NAPG: variants seen among roughly 807,000 people sequenced by gnomAD.
NAPG encodes the protein NSF attachment protein gamma.
A neutral mutation model predicts 48.4 loss-of-function variants in NAPG; 25 were observed. That is an observed-to-expected ratio of 0.52 (90% CI 0.38 to 0.72). The LOEUF (loss-of-function observed/expected upper bound fraction) is 0.72. Among genes scored for constraint, NAPG ranks in the 30% least tolerant of loss-of-function variants. The probability of loss-of-function intolerance (pLI) is 0.00; values close to 1 mark genes in which losing one functional copy is unlikely to be tolerated. For missense variants in NAPG, 359 were observed against 372.5 expected (o/e 0.96, Z 0.30); for synonymous variants, 139 against 127.2 (o/e 1.09, Z -0.62).
intron 1 of NAPG, chr18:10,526,735 T>C (rs1265838956): frequency 6.5e-6 from 1 of 153,090 alleles, no homozygotes; most frequent in Non-Finnish European, 1.5e-5. Context: ...CGTTCGTCCT[T>C]TGATGTGTAT....
chr18:10,552,286 T>TC lies in NAPG; in HGVS notation c.*2067dup, dbSNP rs1321512672. 1 of 152,256 alleles carries TC rather than the reference T, an allele frequency of 6.6e-6. No homozygotes were observed. The highest frequency in any genetic ancestry group is 2.4e-5 in the African/African-American group (1 of 41,464). 9.4% of individuals were successfully genotyped at this position (152,256 alleles called of 1,614,324 possible). The stretch of plus-strand genomic sequence containing the variant: ...AGGCTGTGTCCAGGTGCAGCCTCCT[T>TC]CACCCTTCCTGCCCACGGTGAGGAT... On this transcript the variant is annotated 3_prime_UTR_variant, in exon 12 of 12. Transcript: ENST00000322897.
At chr18:10,535,160 A>G (rs1020214819) in intron 5 of NAPG, among the ~76,000 whole-genome samples, 1 of 152,218 alleles carries the variant, frequency 6.6e-6, no homozygotes, top group Non-Finnish European at 1.5e-5. Flanking sequence ...GCTACTTTCA[A>G]GTATTTATTA....
Position 10,548,775 on chromosome 18 carries a change from G to A in NAPG, c.666-192G>A, listed in dbSNP as rs915187232. Among the ~76,000 whole-genome samples the A allele has an allele frequency of 6.6e-6, 1 of 151,752 alleles. No individual in the cohort carries two copies. Among genetic ancestry groups the A allele is most frequent in the Non-Finnish European group, 1.5e-5 (1 of 67,930 alleles). ...TGGGCTGGATAATTCTTTGTGGTCG[G>A]GCCTGTCCTGTGCACTGTAGGCTGG... On this transcript the variant is annotated intron_variant, in intron 10 of 11. Coordinates refer to ENST00000322897, the MANE Select transcript of NAPG (RefSeq NM_003826.3). The surrounding 1 kb of genome is among the most constrained non-coding windows in gnomAD (Gnocchi z 4.4).
intron 3 of NAPG, 92 bp downstream of exon 3, chr18:10,532,887 A>T: frequency 9.5e-7 from 1 of 1,053,446 alleles, no homozygotes; most frequent in South Asian, 1.6e-5. Context: ...ACTACCTGTG[A>T]AGTAAAATGT....
chr18:10,527,422 T>C (rs1283391926), intron 1 of NAPG, among the ~76,000 whole-genome samples: 5 of 152,166 alleles, frequency 3.3e-5, no homozygotes, highest in African/African-American at 1.2e-4. Flanking sequence ...CTCTATCACA[T>C]GACTCGAGGC....
Position 10,540,024 on chromosome 18 carries a change from G to A in NAPG, c.405G>A (p.Gln135=), listed in dbSNP as rs757590309. ...IENVDPEKAV[Q]LYQQTANVFE... ...ATGTTGATCCAGAGAAGGCTGTACA[G>A]TTATATCAACAGACAGCTAATGTGT... The change falls in exon 7 of 12, where the codon CAG becomes CAA. Residue 135 remains glutamine, a synonymous_variant. Coordinates refer to ENST00000322897, the MANE Select transcript of NAPG (RefSeq NM_003826.3). 10 of 1,594,390 alleles carry A rather than the reference G, an allele frequency of 6.3e-6. No individual in the cohort carries two copies. The highest frequency in any genetic ancestry group is 4.5e-5 in the South Asian group (4 of 88,660).
Position 10,551,495 on chromosome 18 carries a change from C to T in NAPG, c.*1275C>T, listed in dbSNP as rs762238401. 1 of 152,166 alleles carries T rather than the reference C, an allele frequency of 6.6e-6. No homozygotes were observed. Among genetic ancestry groups the T allele is most frequent in the African/African-American group, 2.4e-5 (1 of 41,436 alleles). 9.4% of individuals were successfully genotyped at this position (152,166 alleles called of 1,614,324 possible). A position where few individuals can be genotyped will look rare whatever the true frequency, so the allele number is the denominator to read the frequency against. On this transcript the variant is annotated 3_prime_UTR_variant, in exon 12 of 12. Coordinates refer to ENST00000322897, the MANE Select transcript of NAPG (RefSeq NM_003826.3). ...TAGTTATTTCCTAAAATGCTGTTTT[C>T]GAAACATTCCTTTTTCACCCTGTTG... is the stretch of plus-strand genomic sequence containing the variant.
rs756426101 is a variant in NAPG at position 10,546,614 on chromosome 18, C to T, written c.585+210C>T. Reference sequence around the variant, plus strand: ...TAAACTACTGGATAAAATACAAAAGCAACCACCCTTGAACTCTGAAAAGTA... The same window carrying T: ...TAAACTACTGGATAAAATACAAAAGTAACCACCCTTGAACTCTGAAAAGTA... On this transcript the variant is annotated intron_variant, in intron 9 of 11. Transcript: ENST00000322897. This position sits in a 1 kb window ranked among gnomAD's most constrained non-coding sequence, Gnocchi z 4.0. Among the ~76,000 whole-genome samples, 9 of 152,106 alleles carry T rather than the reference C, an allele frequency of 5.9e-5. 1 individual carries two copies. The highest frequency in any genetic ancestry group is 8.8e-5 in the Non-Finnish European group (6 of 68,028).
chr18:10,526,313 G>A, intron 1 of NAPG, 155 bp downstream of exon 1: 2 of 709,508 alleles, frequency 2.8e-6, no homozygotes, highest in Non-Finnish European at 4.7e-6. Context: ...GGTGTCCTCT[G>A]GGTCACACTC....
intron 8 of NAPG, chr18:10,540,650 C>T (rs779676440): frequency 2.1e-5 from 7 of 335,456 alleles, no homozygotes; most frequent in Admixed American, 4.7e-5. Flanking sequence ...AACCCTGGCT[C>T]AGCAACATGA....
In NAPG at chr18:10,534,525, G is replaced by A. The variant is rs1468505307; in HGVS notation, c.258+29G>A. On this transcript the variant is annotated intron_variant, in intron 5 of 11. Coordinates refer to ENST00000322897, the MANE Select transcript of NAPG (RefSeq NM_003826.3). This position sits in a 1 kb window ranked among gnomAD's most constrained non-coding sequence, Gnocchi z 5.0. Reference sequence around the variant, plus strand: ...AGTAATGTTATGTCACAATTGTTGTGTAGGTAAAATGAATTAACTACAAGG... The same window carrying A: ...AGTAATGTTATGTCACAATTGTTGTATAGGTAAAATGAATTAACTACAAGG... 1 of 1,609,344 alleles carries A rather than the reference G, an allele frequency of 6.2e-7. No individual in the cohort carries two copies.
At position 10,548,220 on chromosome 18, in the gene NAPG, C is replaced by T; in HGVS notation, c.586-79C>T. 1.0e-6 allele frequency: 1 copy of T among 981,846 alleles called. No individual in the cohort carries two copies. Among genetic ancestry groups the T allele is most frequent in the Non-Finnish European group, 1.6e-6 (1 of 617,124 alleles). The allele number at this position is 981,846 out of a possible 1,614,324, so 60.8% of individuals were successfully genotyped here. A position where few individuals can be genotyped will look rare whatever the true frequency, so the allele number is the denominator to read the frequency against. The stretch of plus-strand genomic sequence containing the variant: ...AACAAAGACTCTGAAAGTTAAACTC[C>T]AGGTGTTTTCAATACTGCCAGGTTA... On this transcript the variant is annotated intron_variant, in intron 9 of 11. Transcript: ENST00000322897. The surrounding 1 kb of genome is among the most constrained non-coding windows in gnomAD (Gnocchi z 4.4).
At chr18:10,527,668 G>C (rs1184177666) in intron 1 of NAPG, among the ~76,000 whole-genome samples, 2 of 152,156 alleles carry the variant, frequency 1.3e-5, no homozygotes, top group African/African-American at 4.8e-5. Context: ...TGTTTTAGAC[G>C]GAGGGAAAAT....
rs1212003510 is a variant in NAPG at position 10,534,512 on chromosome 18, T to C, written c.258+16T>C. On this transcript the variant is annotated intron_variant, in intron 5 of 11. Coordinates refer to ENST00000322897, the MANE Select transcript of NAPG (RefSeq NM_003826.3). The surrounding 1 kb of genome is among the most constrained non-coding windows in gnomAD (Gnocchi z 5.0). ...GATGTTGAAGGTCAGTAATGTTATG[T>C]CACAATTGTTGTGTAGGTAAAATGA... The C allele has an allele frequency of 4.3e-6, 7 of 1,611,738 alleles. No homozygotes were observed. Among genetic ancestry groups the C allele is most frequent in the Non-Finnish European group, 5.1e-6 (6 of 1,178,186 alleles).
intron 1 of NAPG, chr18:10,526,658 C>T (rs2031819038): frequency 6.4e-6 from 1 of 155,120 alleles, no homozygotes; most frequent in Non-Finnish European, 1.4e-5. Context: ...TAGGTTTACC[C>T]CAAAAACTCC....
intron 8 of NAPG, among the ~76,000 whole-genome samples, chr18:10,541,725 A>G (rs1437697894): frequency 6.6e-6 from 1 of 152,174 alleles, no homozygotes; most frequent in Admixed American, 6.5e-5. Flanking sequence ...TAAGCCCCTT[A>G]CTATAAGACC....
chr18:10,537,721 T>C (rs1208247251), intron 5 of NAPG, among the ~76,000 whole-genome samples: 4 of 152,242 alleles, frequency 2.6e-5, no homozygotes, highest in African/African-American at 7.2e-5. Context: ...GATTCTTTCA[T>C]TGACTTTTGG....
Position 10,544,429 on chromosome 18 carries a change from G to T in NAPG, c.507-1897G>T, listed in dbSNP as rs1048280289. On this transcript the variant is annotated intron_variant, in intron 8 of 11. Coordinates refer to ENST00000322897, the MANE Select transcript of NAPG (RefSeq NM_003826.3). This position sits in a 1 kb window ranked among gnomAD's most constrained non-coding sequence, Gnocchi z 5.1. Reference sequence around the variant, plus strand: ...AAGCTCATTGATTGTTGGCAGAATTGATTTCCTTGCAGCTGTGTGGAAGAG... The same window carrying T: ...AAGCTCATTGATTGTTGGCAGAATTTATTTCCTTGCAGCTGTGTGGAAGAG... 2.0e-5 allele frequency among the ~76,000 whole-genome samples: 3 copies of T among 152,214 alleles called. No homozygotes were observed. Among genetic ancestry groups the T allele is most frequent in the African/African-American group, 7.2e-5 (3 of 41,450 alleles).
chr18:10,528,943 T>C (rs999978399), intron 1 of NAPG, among the ~76,000 whole-genome samples: 2 of 152,236 alleles, frequency 1.3e-5, no homozygotes, highest in Non-Finnish European at 2.9e-5. Flanking sequence ...TTTTGTAAAT[T>C]GATCCCCACA....
Sources: gnomAD v4.1 joint callset for allele counts (sites outside exome capture counted in the v4.1 genomes callset) on GRCh38, gnomAD v4.1.1 for gene constraint, Gnocchi (gnomAD v3.1) non-coding constraint, MANE v1.5 for transcripts, NCBI Gene and HGNC (gene_info 2026-07-23, HGNC 2026-07-21) for gene names.